Variants in CAMK1D observed in about 807,000 individuals in gnomAD.
CAMK1D encodes the protein calcium/calmodulin dependent protein kinase ID, also known as calcium/calmodulin-dependent protein kinase type 1D.
Under a neutral mutation model 47.7 loss-of-function variants are expected in CAMK1D, and 9 were observed. The ratio of observed to expected loss-of-function variants is 0.19; its 90% CI spans 0.11 to 0.33. CAMK1D has a LOEUF of 0.33. Ranked by LOEUF, CAMK1D falls within the 10% of genes least tolerant of loss-of-function variation. The pLI is 1.00. For missense variants in CAMK1D, 291 were observed against 488.7 expected (o/e 0.60, Z 3.81); for synonymous variants, 184 against 184.9 (o/e 0.99, Z 0.04).
intron 3 of CAMK1D, among the ~76,000 whole-genome samples, chr10:12,719,364 A>T (rs1409353009): frequency 6.6e-6 from 1 of 151,896 alleles, no homozygotes; most frequent in Non-Finnish European, 1.5e-5. Flanking sequence ...CCGAGATCAC[A>T]CCAACTGCAC....
chr10:12,767,455 G>A (rs1372263262), intron 4 of CAMK1D, among the ~76,000 whole-genome samples: 1 of 152,118 alleles, frequency 6.6e-6, no homozygotes, highest in Non-Finnish European at 1.5e-5. Flanking sequence ...GGGATTACAG[G>A]CATGAGCCAC....
chr10:12,622,259 G>A (rs1318356668), intron 2 of CAMK1D, among the ~76,000 whole-genome samples: 1 of 152,150 alleles, frequency 6.6e-6, no homozygotes, highest in Non-Finnish European at 1.5e-5. Context: ...GATTTGGCTG[G>A]AGTTGAGCGG....
rs1319569078 is a variant in CAMK1D, at chr10:12,834,903, A to G, written c.*6016A>G. The G allele has an allele frequency of 6.6e-6, 1 of 152,194 alleles. No individual in the cohort carries two copies. Among genetic ancestry groups the G allele is most frequent in the African/African-American group, 2.4e-5 (1 of 41,446 alleles). 9.4% of individuals were successfully genotyped at this position (152,194 alleles called of 1,614,324 possible). A position where few individuals can be genotyped will look rare whatever the true frequency, so the allele number is the denominator to read the frequency against. On this transcript the variant is annotated 3_prime_UTR_variant, in exon 11 of 11. Coordinates refer to ENST00000619168, the MANE Select transcript of CAMK1D (RefSeq NM_153498.4). ...GCAGCCAGGCTGCGAGAGAGCTAAA[A>G]AGGAACAAGAACATCAGCTCGGATG...
chr10:12,488,206 G>A (rs1232136757), intron 1 of CAMK1D, among the ~76,000 whole-genome samples: 1 of 152,120 alleles, frequency 6.6e-6, no homozygotes, highest in Non-Finnish European at 1.5e-5. Context: ...TCTGAGGATG[G>A]AGGCCTTCCA....
chr10:12,741,601 G>A (rs190297521), intron 3 of CAMK1D, among the ~76,000 whole-genome samples: 48 of 150,572 alleles, frequency 3.2e-4, no homozygotes, highest in African/African-American at 1.1e-3. Context: ...AACATGTTCA[G>A]CATTTACAAA....
chr10:12,350,425 G>A (rs1384522101), intron 1 of CAMK1D, among the ~76,000 whole-genome samples: 1 of 152,266 alleles, frequency 6.6e-6, no homozygotes, highest in Non-Finnish European at 1.5e-5. Context: ...GCCACGCGAG[G>A]ATGGAAGGGA....
intron 2 of CAMK1D, among the ~76,000 whole-genome samples, chr10:12,646,472 G>A (rs905903254): frequency 2.0e-5 from 3 of 152,198 alleles, no homozygotes; most frequent in Non-Finnish European, 2.9e-5. Flanking sequence ...GATGGGGCCA[G>A]AAAGAAGTGA....
chr10:12,536,174 C>G (rs7068005), intron 1 of CAMK1D, among the ~76,000 whole-genome samples: 50,632 of 151,818 alleles, frequency 0.33, 8,837 homozygotes, highest in East Asian at 0.48. Flanking sequence ...TTACCATGTA[C>G]CCACCACCCA....
chr10:12,358,264 A>T (rs762079050), intron 1 of CAMK1D, among the ~76,000 whole-genome samples: 1 of 152,152 alleles, frequency 6.6e-6, no homozygotes, highest in Non-Finnish European at 1.5e-5. Context: ...GGGACCCAGT[A>T]CAGTGGCTCA....
intron 2 of CAMK1D, among the ~76,000 whole-genome samples, chr10:12,607,370 G>A (rs373328385): frequency 5.3e-5 from 8 of 152,220 alleles, no homozygotes; most frequent in East Asian, 1.9e-4. Context: ...GTATCTGAAA[G>A]CATCGCTGTA....
intron 2 of CAMK1D, among the ~76,000 whole-genome samples, chr10:12,566,676 T>C (rs1837134914): frequency 6.6e-6 from 1 of 152,164 alleles, no homozygotes; most frequent in Non-Finnish European, 1.5e-5. Flanking sequence ...TTTCTGACCT[T>C]CGAATTCAGA....
chr10:12,726,018 A>G (rs752678712), intron 3 of CAMK1D, among the ~76,000 whole-genome samples: 1 of 151,874 alleles, frequency 6.6e-6, no homozygotes, highest in Non-Finnish European at 1.5e-5. Flanking sequence ...CGGCCTCCCA[A>G]AGTATTGGCA....
chr10:12,771,801 A>C (rs996784332), intron 5 of CAMK1D, among the ~76,000 whole-genome samples: 16 of 152,352 alleles, frequency 1.1e-4, no homozygotes, highest in Non-Finnish European at 2.2e-4. Context: ...TGAGAGGCCA[A>C]GGTGGTTGGG....
At chr10:12,685,855 G>A (rs766857192) in intron 3 of CAMK1D, among the ~76,000 whole-genome samples, 1 of 152,128 alleles carries the variant, frequency 6.6e-6, no homozygotes, top group Non-Finnish European at 1.5e-5. Flanking sequence ...TCGGCTCTTC[G>A]GGAAAGTTGT....
At chr10:12,504,905 G>A (rs1190412584) in intron 1 of CAMK1D, among the ~76,000 whole-genome samples, 3 of 152,184 alleles carry the variant, frequency 2.0e-5, no homozygotes, top group Non-Finnish European at 2.9e-5. Flanking sequence ...CTCTCCTGAG[G>A]TGTGGGCCCG....
intron 1 of CAMK1D, among the ~76,000 whole-genome samples, chr10:12,370,348 G>A (rs1272000120): frequency 6.6e-6 from 1 of 152,054 alleles, no homozygotes; most frequent in Non-Finnish European, 1.5e-5. Flanking sequence ...GATGTTACTG[G>A]TTTATGTATT....
intron 1 of CAMK1D, among the ~76,000 whole-genome samples, chr10:12,423,172 C>G (rs1840114826): frequency 6.6e-6 from 1 of 152,082 alleles, no homozygotes; most frequent in Non-Finnish European, 1.5e-5. Flanking sequence ...TTTGTACTAT[C>G]CATCTCATCT....
intron 2 of CAMK1D, among the ~76,000 whole-genome samples, chr10:12,602,854 A>G (rs1236955173): frequency 6.9e-6 from 1 of 145,004 alleles, no homozygotes; most frequent in African/African-American, 2.5e-5. Flanking sequence ...ATCTGGACCC[A>G]CAGTGACTCC....
chr10:12,743,893 C>T (rs1351518977), intron 3 of CAMK1D, among the ~76,000 whole-genome samples: 1 of 152,092 alleles, frequency 6.6e-6, no homozygotes, highest in Non-Finnish European at 1.5e-5. Context: ...TGTGGTAGCA[C>T]ACGCCTGTAA....
Sources: allele counts gnomAD v4.1 joint callset (sites outside exome capture counted in the v4.1 genomes callset), GRCh38; gene constraint gnomAD v4.1.1; transcripts MANE v1.5; gene names NCBI Gene and HGNC (gene_info 2026-07-23, HGNC 2026-07-21).